FRMPD2: variants seen among roughly 807,000 people sequenced by gnomAD.
FRMPD2 encodes FERM and PDZ domain containing 2, also known as FERM and PDZ domain-containing protein 2.
Under a neutral mutation model 140.1 loss-of-function variants are expected in FRMPD2, and 96 were observed. That is an observed-to-expected ratio of 0.69 (90% CI 0.58 to 0.81). The LOEUF (loss-of-function observed/expected upper bound fraction) is 0.81. FRMPD2 is among the 40% of genes least tolerant of loss of function. The probability of loss-of-function intolerance (pLI) is 0.00; values close to 1 mark genes in which losing one functional copy is unlikely to be tolerated. For synonymous variants in FRMPD2, 449 were observed against 547.6 expected (o/e 0.82, Z 2.52); for missense variants, 1,240 against 1,447.4 (o/e 0.86, Z 2.32).
chr10:48,242,700 T>C (rs1840150830), intron 4 of FRMPD2, among the ~76,000 whole-genome samples: 1 of 152,238 alleles, frequency 6.6e-6, no homozygotes, highest in African/African-American at 2.4e-5. Context: ...GGTCAGCCTT[T>C]CACTCAAGTT....
chr10:48,170,508 C>T lies in FRMPD2; in HGVS notation c.3438+486G>A, dbSNP rs1838211991. On this transcript the variant is annotated intron_variant, in intron 26 of 28. Coordinates refer to ENST00000374201, the MANE Select transcript of FRMPD2 (RefSeq NM_001018071.4). Reference sequence around the variant, plus strand: ...CTGCCCACACCTTTATTAAATGTTCCTCAAATGACTCCATTTTCTTCCAGG... The same window carrying T: ...CTGCCCACACCTTTATTAAATGTTCTTCAAATGACTCCATTTTCTTCCAGG... Among the ~76,000 whole-genome samples the T allele has an allele frequency of 2.0e-5, 3 of 152,076 alleles. No homozygotes were observed. In the South Asian group the frequency reaches 6.3e-4, roughly 32 times the overall value.
At position 48,177,933 on chromosome 10, in the gene FRMPD2, T is replaced by C. The variant is rs185761832; in HGVS notation, c.2895+114A>G. On this transcript the variant is annotated intron_variant, in intron 22 of 28. Coordinates refer to ENST00000374201, the MANE Select transcript of FRMPD2 (RefSeq NM_001018071.4). ...CCCACTGGCTTTTTTATTTACCCCT[T>C]ACATTTGTGCAAACTAAGCACACTG... The C allele has an allele frequency of 4.8e-6, 3 of 624,732 alleles. No individual in the cohort carries two copies. In the East Asian group the frequency reaches 8.8e-5, roughly 18 times the overall value. The allele number at this position is 624,732 out of a possible 1,614,324, so 38.7% of individuals were successfully genotyped here.
chr10:48,184,239 A>G (rs1040161920), intron 20 of FRMPD2, among the ~76,000 whole-genome samples: 6 of 152,118 alleles, frequency 3.9e-5, no homozygotes, highest in African/African-American at 1.4e-4. Flanking sequence ...CCCTATCAAC[A>G]AGGACTTTGG....
rs782455589 is a variant in FRMPD2 at position 48,163,672 on chromosome 10, C to T, written c.3538-1G>A. On this transcript the variant is annotated splice_acceptor_variant, in intron 27 of 28. Transcript: ENST00000374201. LOFTEE classifies it high-confidence loss of function. The stretch of plus-strand genomic sequence containing the variant: ...CTTTGTCAGCTGAGAGTTCAGGTGT[C>T]TATTAAAAGAAATGCTACTGATTAC... 23 of 1,548,766 alleles carry T rather than the reference C, an allele frequency of 1.5e-5. 1 individual carries two copies. In the South Asian group the frequency reaches 2.4e-4, roughly 16 times the overall value.
chr10:48,255,597 G>A (rs1334725748), intron 1 of FRMPD2, among the ~76,000 whole-genome samples: 1 of 152,256 alleles, frequency 6.6e-6, no homozygotes, highest in African/African-American at 2.4e-5. Context: ...GGGATGGGCA[G>A]AGGGAGACAG....
At chr10:48,202,552 G>GA (rs1173128401) in intron 14 of FRMPD2, among the ~76,000 whole-genome samples, 5 of 152,186 alleles carry the variant, frequency 3.3e-5, no homozygotes, top group Non-Finnish European at 5.9e-5. Context: ...AATGGATTCT[G>GA]AATCCAATTG....
chr10:48,248,837 C>A, intron 3 of FRMPD2, 184 bp downstream of exon 3: 1 of 466,838 alleles, frequency 2.1e-6, no homozygotes, highest in East Asian at 3.3e-5. Flanking sequence ...TGGACTTGCC[C>A]TTGTCCATGA....
At chr10:48,211,896 A>G (rs1839330696) in intron 13 of FRMPD2, 58 bp downstream of exon 13, 1 of 1,555,618 alleles carries the variant, frequency 6.4e-7, no homozygotes, top group South Asian at 1.2e-5. Context: ...TCTGGAGGGG[A>G]TTGCTGGCTG....
intron 1 of FRMPD2, among the ~76,000 whole-genome samples, chr10:48,261,176 CAT>C (rs1840583095): frequency 6.6e-6 from 1 of 151,908 alleles, no homozygotes; most frequent in African/African-American, 2.4e-5. Flanking sequence ...AAAGGTGTGA[CAT>C]ATGTGTAAGG....
intron 10 of FRMPD2, among the ~76,000 whole-genome samples, 155 bp from the exon 11 acceptor site, chr10:48,223,425 C>T (rs1314155753): frequency 6.6e-6 from 1 of 152,062 alleles, no homozygotes; most frequent in Non-Finnish European, 1.5e-5. Flanking sequence ...AGCAAGGAAC[C>T]TTTGTTGGGG....
At chr10:48,216,448 T>C (rs992732227) in intron 12 of FRMPD2, among the ~76,000 whole-genome samples, 1 of 152,114 alleles carries the variant, frequency 6.6e-6, no homozygotes, top group Non-Finnish European at 1.5e-5. Context: ...CTGGACTGAC[T>C]CCAGGTCTGA....
intron 2 of FRMPD2, among the ~76,000 whole-genome samples, chr10:48,249,798 A>G (rs978860819): frequency 4.6e-5 from 7 of 152,156 alleles, no homozygotes; most frequent in Non-Finnish European, 1.0e-4. Context: ...CCGCTACCTT[A>G]GGTCTCTCCT....
intron 15 of FRMPD2, among the ~76,000 whole-genome samples, chr10:48,193,676 G>A (rs1285930006): frequency 6.6e-6 from 1 of 152,158 alleles, no homozygotes; most frequent in Non-Finnish European, 1.5e-5. Flanking sequence ...GACCATCTGC[G>A]CCTTGCTAAA....
At chr10:48,184,956 C>T (rs1838643987) in intron 18 of FRMPD2, 75 bp from the exon 19 acceptor site, 1 of 1,068,160 alleles carries the variant, frequency 9.4e-7, no homozygotes, top group Non-Finnish European at 1.4e-6. Flanking sequence ...AGGTTATTTC[C>T]CTCATATCAC....
intron 2 of FRMPD2, among the ~76,000 whole-genome samples, chr10:48,250,311 C>T (rs943166621): frequency 1.3e-5 from 2 of 152,204 alleles, no homozygotes; most frequent in East Asian, 1.9e-4. Flanking sequence ...CAGATCTGAA[C>T]CCCAAACAGG....
chr10:48,240,569 G>C (rs1840084596), intron 5 of FRMPD2, 77 bp from the exon 6 acceptor site: 1 of 1,576,862 alleles, frequency 6.3e-7, no homozygotes, highest in East Asian at 2.2e-5. Flanking sequence ...CAAACTGGCT[G>C]TCAGACTGAA....
At chr10:48,202,431 T>C (rs963712302) in intron 14 of FRMPD2, among the ~76,000 whole-genome samples, 7 of 152,372 alleles carry the variant, frequency 4.6e-5, no homozygotes, top group Non-Finnish European at 8.8e-5. Flanking sequence ...TTGCTTTTTC[T>C]TTGAGAAACC....
At chr10:48,260,353 G>A (rs1403482759) in intron 1 of FRMPD2, among the ~76,000 whole-genome samples, 5 of 152,150 alleles carry the variant, frequency 3.3e-5, no homozygotes, top group African/African-American at 1.2e-4. Context: ...AACCACAGAA[G>A]CCAATGATGT....
chr10:48,247,774 C>T (rs1159128578), intron 3 of FRMPD2, among the ~76,000 whole-genome samples: 1 of 152,152 alleles, frequency 6.6e-6, no homozygotes, highest in African/African-American at 2.4e-5. Flanking sequence ...TAGCTGAGTC[C>T]AGGGCATAAG....
Sources: allele counts gnomAD v4.1 joint callset (sites outside exome capture counted in the v4.1 genomes callset), GRCh38; gene constraint gnomAD v4.1.1; transcripts MANE v1.5; gene names NCBI Gene and HGNC (gene_info 2026-07-23, HGNC 2026-07-21).